The following DACH1 variants were observed in gnomAD, a reference collection of about 807,000 sequenced individuals.
The protein encoded by DACH1 is dachshund homolog 1.
Under a neutral mutation model 54.2 loss-of-function variants are expected in DACH1, and 12 were observed. The ratio of observed to expected loss-of-function variants is 0.22; its 90% confidence interval spans 0.14 to 0.36. The LOEUF is 0.36. Ranked by LOEUF, DACH1 falls within the 10% of genes least tolerant of loss-of-function variation. The pLI, the probability that DACH1 is intolerant of heterozygous loss-of-function variation, is 1.00. For synonymous variants in DACH1, 386 were observed against 366.2 expected (o/e 1.05, Z -0.62); for missense variants, 805 against 929.8 (o/e 0.87, Z 1.75).
chr13:71,506,614 A>G (rs1424576593), intron 6 of DACH1, among the ~76,000 whole-genome samples: 1 of 152,112 alleles, frequency 6.6e-6, no homozygotes, highest in Non-Finnish European at 1.5e-5. Flanking sequence ...CCTAAGCCAA[A>G]AGAACAAAGC....
At chr13:71,546,598 C>T (rs544199302) in intron 6 of DACH1, among the ~76,000 whole-genome samples, 1 of 151,900 alleles carries the variant, frequency 6.6e-6, no homozygotes, top group South Asian at 2.1e-4. Context: ...GAGCTATATG[C>T]AATTACTTTT....
At chr13:71,710,764 AC>A (rs1341932789) in intron 1 of DACH1, among the ~76,000 whole-genome samples, 1 of 152,196 alleles carries the variant, frequency 6.6e-6, no homozygotes, top group Non-Finnish European at 1.5e-5. Context: ...AAAAATTCTT[AC>A]ATAAAATAGC....
intron 3 of DACH1, among the ~76,000 whole-genome samples, chr13:71,608,338 AT>A (rs1875041424): frequency 1.3e-5 from 2 of 152,150 alleles, no homozygotes; most frequent in South Asian, 4.1e-4. Flanking sequence ...AGATGTTATT[AT>A]GTCCATCATG....
chr13:71,617,823 A>G (rs1201909983), intron 3 of DACH1, among the ~76,000 whole-genome samples: 1 of 152,172 alleles, frequency 6.6e-6, no homozygotes, highest in Non-Finnish European at 1.5e-5. Flanking sequence ...TATATTCAAA[A>G]GCAATCAATA....
chr13:71,511,957 C>T (rs531032306), intron 6 of DACH1, among the ~76,000 whole-genome samples: 167 of 152,074 alleles, frequency 1.1e-3, no homozygotes, highest in African/African-American at 3.9e-3. Context: ...TATATCCCTG[C>T]CTTGCTTCCC....
rs544802052 is a variant in DACH1 at position 71,724,000 on chromosome 13, T to C, written c.849-42090A>G. ...ACCACTGCACCTGGCCTGTTTTGTA[T>C]TTTTGTTTTCACTTTCCTTTCAGAC... On this transcript the variant is annotated intron_variant, in intron 1 of 10. Coordinates refer to ENST00000613252, the MANE Select transcript of DACH1 (RefSeq NM_080759.6). 3.3e-5 allele frequency among the ~76,000 whole-genome samples: 5 copies of C among 152,282 alleles called. No individual in the cohort carries two copies. The South Asian group carries it at 1.0e-3, about 32-fold the overall frequency.
chr13:71,497,702 G>T lies in DACH1; in HGVS notation c.1571-8554C>A, dbSNP rs116984805. Among the ~76,000 whole-genome samples, 804 of 152,192 alleles carry T rather than the reference G, an allele frequency of 5.3e-3. 8 individuals are homozygous for T. Among genetic ancestry groups the T allele is most frequent in the Middle Eastern group, 0.01 (3 of 294 alleles). On this transcript the variant is annotated intron_variant, in intron 6 of 10. Coordinates refer to ENST00000613252, the MANE Select transcript of DACH1 (RefSeq NM_080759.6). ...ATGAAGATGTATAATGTTGATGAAA[G>T]AATTATTACTGTATACATCAGTTTC...
chr13:71,859,545 TTTCA>T, intron 1 of DACH1, among the ~76,000 whole-genome samples: 1 of 151,968 alleles, frequency 6.6e-6, no homozygotes, highest in Admixed American at 6.6e-5. Context: ...TGAAAATTCT[TTTCA>T]TTGTCATTTG....
chr13:71,780,192 A>G (rs1454644511), intron 1 of DACH1, among the ~76,000 whole-genome samples: 3 of 152,192 alleles, frequency 2.0e-5, no homozygotes, highest in East Asian at 1.9e-4. Context: ...AGAGGCTTCC[A>G]GATAAAAAAG....
intron 4 of DACH1, among the ~76,000 whole-genome samples, chr13:71,563,397 T>C (rs1884712432): frequency 1.3e-5 from 2 of 152,008 alleles, no homozygotes. Context: ...GTAGTGCTAA[T>C]GGAAAGCATG....
At chr13:71,701,884 C>T (rs914464190) in intron 1 of DACH1, among the ~76,000 whole-genome samples, 8 of 152,114 alleles carry the variant, frequency 5.3e-5, no homozygotes, top group Non-Finnish European at 1.2e-4. Flanking sequence ...GCCTAAACTT[C>T]TAGTCCAGTG....
chr13:71,440,598 C>T lies in DACH1; in HGVS notation c.*57G>A, dbSNP rs1189341659. The T allele has an allele frequency of 7.1e-6, 10 of 1,401,272 alleles. No homozygotes were observed. The highest frequency in any genetic ancestry group is 5.9e-5 in the African/African-American group (4 of 68,252). The allele number at this position is 1,401,272 out of a possible 1,614,324, so 86.8% of individuals were successfully genotyped here. A position where few individuals can be genotyped will look rare whatever the true frequency, so the allele number is the denominator to read the frequency against. On this transcript the variant is annotated 3_prime_UTR_variant, in exon 11 of 11. Coordinates refer to ENST00000613252, the MANE Select transcript of DACH1 (RefSeq NM_080759.6). Reference sequence around the variant, plus strand: ...TATTTTTTTCTGAACTTTCCCATGACGAATGTCTGACTGCAAAGTTCTTTT... The same window carrying T: ...TATTTTTTTCTGAACTTTCCCATGATGAATGTCTGACTGCAAAGTTCTTTT...
chr13:71,865,222 C>T (rs1034783853), intron 1 of DACH1, among the ~76,000 whole-genome samples: 3 of 152,164 alleles, frequency 2.0e-5, no homozygotes, highest in Non-Finnish European at 4.4e-5. Context: ...ACACACAGAC[C>T]CCTCCCCTCG....
chr13:71,506,442 C>T (rs2138245523), intron 6 of DACH1, among the ~76,000 whole-genome samples: 1 of 151,662 alleles, frequency 6.6e-6, no homozygotes, highest in East Asian at 1.9e-4. Context: ...CAATTTCATC[C>T]ATGTCCCTAC....
Position 71,573,998 on chromosome 13 carries a change from A to G in DACH1, c.1127-986T>C, listed in dbSNP as rs534620041. Among the ~76,000 whole-genome samples, 4 of 152,314 alleles carry G rather than the reference A, an allele frequency of 2.6e-5. No homozygotes were observed. In the East Asian group the frequency reaches 7.7e-4, roughly 29 times the overall value. Reference sequence around the variant, plus strand: ...ACTTCATTACACAGCAAATCCAAAAAATGAAGCCATTAAACGTCCAGCTTG... The same window carrying G: ...ACTTCATTACACAGCAAATCCAAAAGATGAAGCCATTAAACGTCCAGCTTG... On this transcript the variant is annotated intron_variant, in intron 3 of 10. Transcript: ENST00000613252.
At chr13:71,543,850 TTAAA>T (rs1883297818) in intron 6 of DACH1, among the ~76,000 whole-genome samples, 1 of 152,118 alleles carries the variant, frequency 6.6e-6, no homozygotes, top group South Asian at 2.1e-4. Flanking sequence ...AGCCGTAGAT[TTAAA>T]TAGACTACTT....
chr13:71,866,431 G>A lies in DACH1; in HGVS notation c.339C>T (p.Asn113=), dbSNP rs1264546940. The change falls in exon 1 of 11, where the codon AAC becomes AAT. Residue 113 remains asparagine (N), a synonymous_variant. Transcript: ENST00000613252. ...TGCCGCCGCCGCCGCCGCCGCTGCC[G>A]TTGCTCGCGGCCGCCAGGTTGGGGT... ...NCNPNLAAAS[N]GSGGGGGGIS... 2 of 1,408,626 alleles carry A rather than the reference G, an allele frequency of 1.4e-6. No individual in the cohort carries two copies. Among genetic ancestry groups the A allele is most frequent in the African/African-American group, 1.5e-5 (1 of 66,662 alleles). The allele number at this position is 1,408,626 out of a possible 1,614,324, so 87.3% of individuals were successfully genotyped here. A position where few individuals can be genotyped will look rare whatever the true frequency, so the allele number is the denominator to read the frequency against.
At chr13:71,514,475 TAA>T in intron 6 of DACH1, among the ~76,000 whole-genome samples, 1 of 151,980 alleles carries the variant, frequency 6.6e-6, no homozygotes, top group Non-Finnish European at 1.5e-5. Flanking sequence ...CAAGTTCATG[TAA>T]AGTTATCAAA....
intron 2 of DACH1, among the ~76,000 whole-genome samples, chr13:71,647,037 A>G (rs1372701663): frequency 6.6e-6 from 1 of 152,250 alleles, no homozygotes; most frequent in Non-Finnish European, 1.5e-5. Context: ...GCAAACTGTG[A>G]TCATACATTT....
Sources: allele counts gnomAD v4.1 joint callset (sites outside exome capture counted in the v4.1 genomes callset), GRCh38; gene constraint gnomAD v4.1.1; transcripts MANE v1.5; gene names NCBI Gene and HGNC (gene_info 2026-07-23, HGNC 2026-07-21).